Variants in TBX22 observed in about 807,000 individuals in gnomAD.
TBX22 encodes the protein T-box transcription factor TBX22.
TBX22 carries 8 observed loss-of-function variants against 30.1 expected under a neutral mutation model. The ratio of observed to expected loss-of-function variants is 0.27; its 90% CI spans 0.16 to 0.48. The LOEUF is 0.48. Among genes scored for constraint, TBX22 ranks in the 20% least tolerant of loss-of-function variants. The probability of loss-of-function intolerance (pLI) is 0.99; values close to 1 mark genes in which losing one functional copy is unlikely to be tolerated. For synonymous variants in TBX22, 173 were observed against 149.1 expected, an observed-to-expected ratio of 1.16 and a Z score of -1.17; for missense variants, 463 against 400.5, an observed-to-expected ratio of 1.16 and a Z score of -1.33.
At position 80,026,791 on chromosome X, in the gene TBX22, T is replaced by G; in HGVS notation, c.721T>G (p.Leu241Val). Residue 241 changes from leucine to valine, a missense_variant, in exon 6 of 9, where the codon TTG (leucine) becomes GTG (valine). By Grantham distance (32) the Leu-to-Val change is conservative. Coordinates refer to ENST00000373296, the MANE Select transcript of TBX22 (RefSeq NM_001109878.2). The stretch of plus-strand genomic sequence containing the variant: ...TGTTGACCTGTCCCAGATTCAGTCC[T>G]TGCCCACTGAAGGTGTTAAAACATT... ...SSVDLSQIQS[L>V]PTEGVKTFSF... 1 of 1,210,980 alleles carries G rather than the reference T, an allele frequency of 8.3e-7. No individual in the cohort carries two copies.
At chrX:80,025,414 A>G (rs947487458) in intron 4 of TBX22, among the ~76,000 whole-genome samples, 189 bp from the exon 5 acceptor site, 2 of 112,419 alleles carry the variant, frequency 1.8e-5, no homozygotes, top group Admixed American at 1.9e-4. Context: ...ACTTCATTGC[A>G]TTTTGATGAC....
In TBX22 at chrX:80,027,980, C is replaced by T. The variant is rs771601265; in HGVS notation, c.864-11C>T. 73 of 1,188,332 alleles carry T rather than the reference C, an allele frequency of 6.1e-5. No individual in the cohort carries two copies. Among genetic ancestry groups the T allele is most frequent in the Non-Finnish European group, 7.1e-5 (62 of 875,783 alleles). On this transcript the variant is annotated splice_polypyrimidine_tract_variant and intron_variant, in intron 7 of 8. Transcript: ENST00000373296. ...ATTCTGGGGATGCTGAAAGTTGACT[C>T]TCTTTTTTAGGGGTGTATTGGATGG...
At position 80,022,128 on chromosome X, in the gene TBX22, GGTTTT is replaced by G. The variant is rs3048712; in HGVS notation, c.-2-119_-2-115del. ...TTTCAGATTTGGGTTTTGGGTTTGG[GGTTTT>G]GTTTTGTTTTGTTTTGTTTTTCCCG... On this transcript the variant is annotated intron_variant, in intron 1 of 8. Transcript: ENST00000373296. The G allele has an allele frequency of 0.38, 208,452 of 551,747 alleles. 29,487 individuals are homozygous for G. Among genetic ancestry groups the G allele is most frequent in the East Asian group, 0.68 (18,382 of 27,080 alleles). The allele number at this position is 551,747 out of a possible 1,213,427, so 45.5% of individuals were successfully genotyped here. A position where few individuals can be genotyped will look rare whatever the true frequency, so the allele number is the denominator to read the frequency against.
intron 6 of TBX22, 59 bp downstream of exon 6, chrX:80,026,927 G>A (rs1418717441): frequency 9.2e-7 from 1 of 1,082,374 alleles, no homozygotes; most frequent in Non-Finnish European, 1.3e-6. Context: ...TTGGATTAGA[G>A]GCATAGAGGC....
chrX:80,024,359 C>T (rs941897869), intron 4 of TBX22, among the ~76,000 whole-genome samples, 195 bp downstream of exon 4: 7 of 111,441 alleles, frequency 6.3e-5, no homozygotes, highest in African/African-American at 2.3e-4. Context: ...GAGAAGCCTT[C>T]TTCCTCTCTC....
chrX:80,016,426 G>A (rs7878492), intron 1 of TBX22, among the ~76,000 whole-genome samples: 1,549 of 111,448 alleles, frequency 0.014, 29 homozygotes, highest in African/African-American at 0.045. Context: ...GTGAGAAAGC[G>A]TGTGTAGGGG....
intron 1 of TBX22, among the ~76,000 whole-genome samples, chrX:80,015,498 G>A (rs1273860511): frequency 8.9e-6 from 1 of 112,706 alleles, no homozygotes; most frequent in African/African-American, 3.2e-5. Context: ...TCAGGAGGAG[G>A]TCTGAAGTCC....
chrX:80,030,556 C>A lies in TBX22; in HGVS notation c.1008C>A (p.Asn336Lys). 1.7e-6 allele frequency: 2 copies of A among 1,211,302 alleles called. No homozygotes were observed. The highest frequency in any genetic ancestry group is 2.2e-6 in the Non-Finnish European group (2 of 895,144). ...GTGGAGGGGCCCCCTCTCCTTTGAA[C>A]TCCTTACTTTCTCCACTTTGCTTTT... ...TSSGGAPSPLNSLLSPLCFSP... is the reference protein window; with the variant it reads ...TSSGGAPSPLKSLLSPLCFSP... Residue 336 changes from asparagine to lysine, a missense_variant, in exon 9 of 9, where the codon AAC becomes AAA. Transcript: ENST00000373296.
At chrX:80,030,405 G>A in intron 8 of TBX22, 93 bp from the exon 9 acceptor site, 1 of 1,081,929 alleles carries the variant, frequency 9.2e-7, no homozygotes, top group Non-Finnish European at 1.3e-6. Context: ...TTAATCTAAG[G>A]ATGAAGCACA....
intron 8 of TBX22, among the ~76,000 whole-genome samples, chrX:80,028,348 T>C (rs1569300052): frequency 8.9e-6 from 1 of 112,539 alleles, no homozygotes; most frequent in African/African-American, 3.2e-5. Context: ...AGATTTCATC[T>C]GGATTTTTCA....
chrX:80,016,653 T>C (rs1317574572), intron 1 of TBX22, among the ~76,000 whole-genome samples: 1 of 111,557 alleles, frequency 9.0e-6, no homozygotes. Flanking sequence ...CCACTTTCTT[T>C]GAGGCTGATG....
intron 1 of TBX22, among the ~76,000 whole-genome samples, chrX:80,017,878 C>A (rs1923522544): frequency 8.9e-6 from 1 of 111,797 alleles, no homozygotes; most frequent in African/African-American, 3.3e-5. Context: ...CATAGGAAGG[C>A]CTTCACCATT....
intron 3 of TBX22, among the ~76,000 whole-genome samples, chrX:80,023,476 C>G (rs1033507912): frequency 1.8e-5 from 2 of 111,286 alleles, no homozygotes; most frequent in Non-Finnish European, 3.8e-5. Flanking sequence ...CAATAACTCA[C>G]TTCCCCGTCT....
chrX:80,024,085 G>A lies in TBX22; in HGVS notation c.379G>A (p.Val127Ile). The A allele has an allele frequency of 8.3e-7, 1 of 1,211,347 alleles. No homozygotes were observed. Among genetic ancestry groups the A allele is most frequent in the Non-Finnish European group, 1.1e-6 (1 of 895,308 alleles). Residue 127 changes from valine to isoleucine, a missense_variant, in exon 4 of 9, where the codon GTC (valine) becomes ATC (isoleucine). Physicochemically the swap from Val to Ile is conservative, Grantham distance 29. Transcript: ENST00000373296. ...AGRRMFPSVR[V>I]KVKGLDPGKQ... ...CAGGCGGATGTTCCCCTCTGTTCGG[G>A]TCAAGGTGAAAGGGTTGGATCCAGG...
Position 80,016,559 on chromosome X carries a change from G to C in TBX22, c.-3+1672G>C, listed in dbSNP as rs1482909781. ...TGGCATATCTCCGTTCAAGTGATCT[G>C]AGCCAGTGATATTTTGCTATATGTC... On this transcript the variant is annotated intron_variant, in intron 1 of 8. Transcript: ENST00000373296. Among the ~76,000 whole-genome samples the C allele has an allele frequency of 1.1e-4, 12 of 111,542 alleles. 1 individual carries two copies. The highest frequency in any genetic ancestry group is 3.8e-5 in the Non-Finnish European group (2 of 53,063).
rs2147572810 is a variant in TBX22 at position 80,014,768 on chromosome X, C to T, written c.-122C>T. ...GCTCTAGGCCACTCTTCTCTGGGCTCTTGAGAAGAGCTGCTGCAGGCATTT... is the reference window on the plus strand; with the variant it reads ...GCTCTAGGCCACTCTTCTCTGGGCTTTTGAGAAGAGCTGCTGCAGGCATTT... On this transcript the variant is annotated 5_prime_UTR_variant, in exon 1 of 9. Coordinates refer to ENST00000373296, the MANE Select transcript of TBX22 (RefSeq NM_001109878.2). The T allele has an allele frequency of 1.8e-5, 2 of 112,408 alleles. No individual in the cohort carries two copies. The highest frequency in any genetic ancestry group is 3.7e-4 in the South Asian group (1 of 2,702). The allele number at this position is 112,408 out of a possible 1,213,427, so 9.3% of individuals were successfully genotyped here.
At chrX:80,017,968 C>T (rs190502464) in intron 1 of TBX22, among the ~76,000 whole-genome samples, 77 of 111,854 alleles carry the variant, frequency 6.9e-4, no homozygotes, top group African/African-American at 2.1e-3. Flanking sequence ...ATGAGCATTT[C>T]GCTTCCAATC....
In TBX22 at chrX:80,023,209, G is replaced by C; in HGVS notation, c.325G>C (p.Gly109Arg). 1 of 1,211,583 alleles carries C rather than the reference G, an allele frequency of 8.3e-7. No homozygotes were observed. The highest frequency in any genetic ancestry group is 1.1e-6 in the Non-Finnish European group (1 of 895,382). The change falls in exon 3 of 9, where the codon GGG becomes CGG. Residue 109 changes from glycine (G) to arginine (R), a missense_variant. Coordinates refer to ENST00000373296, the MANE Select transcript of TBX22 (RefSeq NM_001109878.2). The part of the protein sequence containing the change: ...SELWKRFHDI[G>R]TEMIITKAGR... ...ACTGTGGAAAAGATTCCATGACATC[G>C]GGACTGAGATGATCATTACTAAAGC... is the stretch of plus-strand genomic sequence containing the variant.
intron 4 of TBX22, 86 bp downstream of exon 4, chrX:80,024,250 T>G: frequency 1.2e-6 from 1 of 862,347 alleles, no homozygotes; most frequent in Non-Finnish European, 1.7e-6. Context: ...CAGCATGACT[T>G]TGAAAACTCT....
Sources: allele counts gnomAD v4.1 joint callset (sites outside exome capture counted in the v4.1 genomes callset), GRCh38; gene constraint gnomAD v4.1.1; transcripts MANE v1.5; gene names NCBI Gene and HGNC (gene_info 2026-07-23, HGNC 2026-07-21).